The following RBPMS2 variants were observed in gnomAD, a reference collection of about 807,000 sequenced individuals.
RBPMS2 encodes the protein RNA binding protein, mRNA processing factor 2.
Under a neutral mutation model 25.7 loss-of-function variants are expected in RBPMS2, and 14 were observed. The observed-to-expected ratio is 0.55, with a 90% CI of 0.36 to 0.85. The LOEUF is 0.85. Among genes scored for constraint, RBPMS2 ranks in the 40% least tolerant of loss-of-function variants. RBPMS2 has a pLI of 0.01. For synonymous variants in RBPMS2, 127 were observed against 115.6 expected, an observed-to-expected ratio of 1.10 and a Z score of -0.63; for missense variants, 252 against 283.4, an observed-to-expected ratio of 0.89 and a Z score of 0.80.
intron 1 of RBPMS2, among the ~76,000 whole-genome samples, chr15:64,773,151 C>G (rs901560768): frequency 1.3e-5 from 2 of 152,224 alleles, no homozygotes; most frequent in Non-Finnish European, 2.9e-5. Flanking sequence ...GAGTAAACCA[C>G]TGCTAACGCT....
At chr15:64,762,449 G>A (rs1381257596) in intron 1 of RBPMS2, 1 of 534,604 alleles carries the variant, frequency 1.9e-6, no homozygotes, top group Non-Finnish European at 3.8e-6. Context: ...CGGCTTTCCT[G>A]TTATAAAGAC....
At chr15:64,774,448 C>T (rs957834428) in intron 1 of RBPMS2, among the ~76,000 whole-genome samples, 4 of 152,128 alleles carry the variant, frequency 2.6e-5, no homozygotes, top group African/African-American at 9.7e-5. Flanking sequence ...CATTAACCAC[C>T]CAGCTGCTGG....
chr15:64,753,878 G>A lies in RBPMS2; in HGVS notation c.88-2240C>T, dbSNP rs559227287. Among the ~76,000 whole-genome samples, 10 of 152,206 alleles carry A rather than the reference G, an allele frequency of 6.6e-5. No homozygotes were observed. The East Asian group carries it at 1.5e-3, about 24-fold the overall frequency. Reference sequence around the variant, plus strand: ...CCAAGGATCCAGGATGGGTGAAACCGAGCTCCTGACCTGAGCCCAGCAGGC... The same window carrying A: ...CCAAGGATCCAGGATGGGTGAAACCAAGCTCCTGACCTGAGCCCAGCAGGC... On this transcript the variant is annotated intron_variant, in intron 1 of 7. Transcript: ENST00000300069.
At chr15:64,774,732 A>AGCCGGCCGGCCGGCCGGCCGGCCGGCCG (rs146916271) in intron 1 of RBPMS2, among the ~76,000 whole-genome samples, 3 of 147,068 alleles carry the variant, frequency 2.0e-5, no homozygotes, top group Non-Finnish European at 4.5e-5. Flanking sequence ...GGAACCGAGG[A>AGCCGGCCGGCCGGCCGGCCGGCCGGCCG]GCCGGCCGGC....
chr15:64,757,333 C>T (rs141731516), intron 1 of RBPMS2, among the ~76,000 whole-genome samples: 1 of 152,268 alleles, frequency 6.6e-6, no homozygotes, highest in African/African-American at 2.4e-5. Flanking sequence ...TCACCTTACT[C>T]TCCCCATTAC....
intron 1 of RBPMS2, among the ~76,000 whole-genome samples, chr15:64,766,680 C>T (rs889002143): frequency 7.9e-5 from 12 of 152,074 alleles, no homozygotes; most frequent in Non-Finnish European, 1.6e-4. Flanking sequence ...CGCCTGCCAC[C>T]ACACCCGGCT....
At chr15:64,772,373 CACA>C (rs1468592974) in intron 1 of RBPMS2, among the ~76,000 whole-genome samples, 1 of 152,196 alleles carries the variant, frequency 6.6e-6, no homozygotes, top group Non-Finnish European at 1.5e-5. Flanking sequence ...TGCAGGACAG[CACA>C]ACCTCTAGAT....
chr15:64,753,298 G>C (rs2083700098), intron 1 of RBPMS2, among the ~76,000 whole-genome samples: 1 of 152,100 alleles, frequency 6.6e-6, no homozygotes, highest in Admixed American at 6.6e-5. Flanking sequence ...GCATTAAGTT[G>C]CCCTACAGTG....
intron 1 of RBPMS2, among the ~76,000 whole-genome samples, chr15:64,765,557 CAACAAAACGA>C (rs1338308781): frequency 2.7e-5 from 4 of 146,218 alleles, no homozygotes; most frequent in Non-Finnish European, 6.0e-5. Context: ...CCAGCCTGGG[CAACAAAACGA>C]GATCCTGTGT....
At chr15:64,742,906 G>A (rs1285906692) in intron 6 of RBPMS2, among the ~76,000 whole-genome samples, 4 of 152,276 alleles carry the variant, frequency 2.6e-5, no homozygotes, top group East Asian at 1.9e-4. Flanking sequence ...TCCTATCCCC[G>A]CCAAATTCTA....
intron 6 of RBPMS2, among the ~76,000 whole-genome samples, chr15:64,746,047 T>C (rs1250211492): frequency 6.6e-6 from 1 of 152,136 alleles, no homozygotes; most frequent in Non-Finnish European, 1.5e-5. Flanking sequence ...TTTTATACCC[T>C]ATCTCTGGGG....
rs1348747788 is a variant in RBPMS2 at position 64,758,918 on chromosome 15, CTATTTT to C, written c.88-7286_88-7281del. On this transcript the variant is annotated intron_variant, in intron 1 of 7. Coordinates refer to ENST00000300069, the MANE Select transcript of RBPMS2 (RefSeq NM_194272.3). ...TAGACCTAGAGTGCCTGGGAGCTACCTATTTTTATTTTTAATTAAAAATTAAACTTT... is the reference window on the plus strand; with the variant it reads ...TAGACCTAGAGTGCCTGGGAGCTACCTATTTTTAATTAAAAATTAAACTTT... 6.6e-5 allele frequency among the ~76,000 whole-genome samples: 10 copies of C among 152,248 alleles called. No individual in the cohort carries two copies. The South Asian group carries it at 1.7e-3, about 25-fold the overall frequency.
chr15:64,754,215 G>A (rs779929677), intron 1 of RBPMS2, among the ~76,000 whole-genome samples: 4 of 152,180 alleles, frequency 2.6e-5, no homozygotes, highest in African/African-American at 9.7e-5. Context: ...CGGAGGCTGA[G>A]GCAAGAGAAT....
chr15:64,773,765 C>T (rs1247301174), intron 1 of RBPMS2, among the ~76,000 whole-genome samples: 2 of 152,030 alleles, frequency 1.3e-5, no homozygotes, highest in African/African-American at 2.4e-5. Context: ...CAGCCCACAG[C>T]AGGGGGCCAA....
At chr15:64,747,944 C>G (rs1402825176) in intron 6 of RBPMS2, among the ~76,000 whole-genome samples, 2 of 152,122 alleles carry the variant, frequency 1.3e-5, no homozygotes, top group Non-Finnish European at 2.9e-5. Context: ...GTCTTGACAT[C>G]TAACTTTCAC....
intron 1 of RBPMS2, among the ~76,000 whole-genome samples, chr15:64,766,692 A>T (rs2083849557): frequency 6.7e-6 from 1 of 148,674 alleles, no homozygotes; most frequent in Non-Finnish European, 1.5e-5. Context: ...CACCCGGCTA[A>T]TTTTTTTTTT....
intron 6 of RBPMS2, among the ~76,000 whole-genome samples, chr15:64,748,164 T>C (rs989267462): frequency 3.3e-5 from 5 of 152,194 alleles, no homozygotes; most frequent in East Asian, 3.9e-4. Context: ...GCAGGGGTGC[T>C]TGGGGCTGGG....
intron 6 of RBPMS2, 99 bp downstream of exon 6, chr15:64,748,320 G>T: frequency 7.9e-7 from 1 of 1,265,660 alleles, no homozygotes; most frequent in Non-Finnish European, 1.1e-6. Flanking sequence ...GAGTTCTGCT[G>T]CAGCTCTGGG....
chr15:64,775,129 C>G (rs1413951076), intron 1 of RBPMS2, 104 bp downstream of exon 1: 1 of 543,310 alleles, frequency 1.8e-6, no homozygotes, highest in South Asian at 9.0e-5. Context: ...GCGCCGGGAG[C>G]GATGGCCACC....
Sources: gnomAD v4.1 joint callset for allele counts (sites outside exome capture counted in the v4.1 genomes callset) on GRCh38, gnomAD v4.1.1 for gene constraint, MANE v1.5 for transcripts, NCBI Gene and HGNC (gene_info 2026-07-23, HGNC 2026-07-21) for gene names.